FGGY: variants seen among roughly 807,000 people sequenced by gnomAD.
The protein encoded by FGGY is FGGY carbohydrate kinase domain containing, also known as FGGY carbohydrate kinase domain-containing protein.
FGGY carries 72 observed loss-of-function variants against 71.3 expected under a neutral mutation model. That is an observed-to-expected ratio of 1.01 (90% CI 0.84 to 1.23). The LOEUF (loss-of-function observed/expected upper bound fraction) is 1.23. Among genes scored for constraint, FGGY ranks in the 50% most tolerant of loss-of-function variants. The pLI is 0.00. For synonymous variants in FGGY, 251 were observed against 250.3 expected, an observed-to-expected ratio of 1.00 and a Z score of -0.02; for missense variants, 668 against 682.3, an observed-to-expected ratio of 0.98 and a Z score of 0.23.
chr1:59,687,117 A>G (rs920408331), intron 14 of FGGY, among the ~76,000 whole-genome samples: 1 of 152,080 alleles, frequency 6.6e-6, no homozygotes, highest in South Asian at 2.1e-4. Context: ...TACACTTCCT[A>G]GGCTCTCTTG....
At chr1:59,418,337 A>T (rs1221904712) in intron 5 of FGGY, among the ~76,000 whole-genome samples, 4 of 152,196 alleles carry the variant, frequency 2.6e-5, no homozygotes, top group Non-Finnish European at 5.9e-5. Flanking sequence ...GACAGATTTC[A>T]ATCGATTTAG....
At chr1:59,576,687 C>G (rs1395774450) in intron 8 of FGGY, among the ~76,000 whole-genome samples, 1 of 147,018 alleles carries the variant, frequency 6.8e-6, no homozygotes, top group Non-Finnish European at 1.5e-5. Context: ...GACACACACA[C>G]ACACACACAC....
chr1:59,597,411 G>A (rs1174480645), intron 8 of FGGY, among the ~76,000 whole-genome samples: 1 of 152,158 alleles, frequency 6.6e-6, no homozygotes, highest in African/African-American at 2.4e-5. Flanking sequence ...TAACCCATCT[G>A]AGTGATCGTG....
At chr1:59,406,996 G>A (rs1293364613) in intron 5 of FGGY, among the ~76,000 whole-genome samples, 1 of 152,162 alleles carries the variant, frequency 6.6e-6, no homozygotes, top group Admixed American at 6.5e-5. Context: ...GTGTTACAGG[G>A]GGTTGACCCC....
chr1:59,456,889 G>A (rs1243911252), intron 5 of FGGY, 72 bp from the exon 6 acceptor site: 6 of 983,320 alleles, frequency 6.1e-6, no homozygotes, highest in Middle Eastern at 2.1e-4. Flanking sequence ...TACCTGGACG[G>A]GTATTTTGCA....
chr1:59,420,414 G>A (rs1048214474), intron 5 of FGGY, among the ~76,000 whole-genome samples: 2 of 152,194 alleles, frequency 1.3e-5, no homozygotes, highest in Non-Finnish European at 2.9e-5. Context: ...TACTTCCCAC[G>A]TGTTGTGAAA....
Position 59,730,199 on chromosome 1 carries a change from G to C in FGGY, c.1513-27732G>C, listed in dbSNP as rs572910315. Among the ~76,000 whole-genome samples, 12 of 152,232 alleles carry C rather than the reference G, an allele frequency of 7.9e-5. No individual in the cohort carries two copies. The East Asian group carries it at 1.2e-3, about 15-fold the overall frequency. ...TGCTCCTCCAAGTAAGATCTCAGCT[G>C]TGACTGTCTGGGTTGTCCTTTCTCT... On this transcript the variant is annotated intron_variant, in intron 14 of 15. Transcript: ENST00000303721.
chr1:59,634,732 G>C (rs1404441706), intron 10 of FGGY, among the ~76,000 whole-genome samples: 2 of 152,150 alleles, frequency 1.3e-5, no homozygotes, highest in African/African-American at 4.8e-5. Context: ...TGATGGCAAA[G>C]AAGAGGAAAC....
At chr1:59,421,954 C>A (rs913243225) in intron 5 of FGGY, among the ~76,000 whole-genome samples, 2 of 152,154 alleles carry the variant, frequency 1.3e-5, no homozygotes, top group African/African-American at 4.8e-5. Context: ...TGGGATCCCA[C>A]CCTTACTTTG....
At chr1:59,342,270 A>G (rs2153208754) in intron 3 of FGGY, among the ~76,000 whole-genome samples, 1 of 152,262 alleles carries the variant, frequency 6.6e-6, no homozygotes, top group East Asian at 1.9e-4. Flanking sequence ...CAGTAAGTCT[A>G]GTATGTAGAG....
intron 2 of FGGY, among the ~76,000 whole-genome samples, chr1:59,333,836 G>A (rs560556745): frequency 1.3e-5 from 2 of 152,292 alleles, no homozygotes; most frequent in Admixed American, 1.3e-4. Flanking sequence ...TGTAAGTCTA[G>A]ATAGATCAGT....
chr1:59,726,368 G>C (rs2097948474), intron 14 of FGGY, among the ~76,000 whole-genome samples: 1 of 150,308 alleles, frequency 6.7e-6, no homozygotes, highest in African/African-American at 2.5e-5. Context: ...ATATTCATGA[G>C]AGAGAGTGGA....
At chr1:59,525,452 T>G (rs2094951668) in intron 7 of FGGY, among the ~76,000 whole-genome samples, 1 of 152,168 alleles carries the variant, frequency 6.6e-6, no homozygotes, top group Non-Finnish European at 1.5e-5. Context: ...CATGCCTCAG[T>G]TCCCCCATCT....
At chr1:59,371,089 C>T (rs1345343186) in intron 4 of FGGY, among the ~76,000 whole-genome samples, 3 of 152,016 alleles carry the variant, frequency 2.0e-5, no homozygotes, top group Non-Finnish European at 4.4e-5. Context: ...ACTAAGTGCT[C>T]CAATTAAAAG....
chr1:59,758,132 G>A (rs950218681), intron 15 of FGGY, 140 bp downstream of exon 15: 1 of 565,724 alleles, frequency 1.8e-6, no homozygotes, highest in African/African-American at 1.9e-5. Flanking sequence ...AAGTTCCAGG[G>A]AGGTAATGTC....
At chr1:59,565,470 G>A (rs1344606428) in intron 8 of FGGY, among the ~76,000 whole-genome samples, 2 of 152,108 alleles carry the variant, frequency 1.3e-5, no homozygotes, top group East Asian at 1.9e-4. Context: ...ATTTTTAGTA[G>A]AGACGGGGTT....
At chr1:59,400,546 T>G (rs1230966628) in intron 5 of FGGY, among the ~76,000 whole-genome samples, 3 of 131,676 alleles carry the variant, frequency 2.3e-5, no homozygotes, top group African/African-American at 6.9e-5. Flanking sequence ...TTCTGTTTTG[T>G]TTTTTTTTTT....
At chr1:59,545,981 G>T (rs912624188) in intron 7 of FGGY, among the ~76,000 whole-genome samples, 7 of 152,140 alleles carry the variant, frequency 4.6e-5, no homozygotes, top group African/African-American at 1.2e-4. Context: ...CAGTTGTATA[G>T]TCAAGGACAG....
intron 4 of FGGY, among the ~76,000 whole-genome samples, chr1:59,366,918 A>G: frequency 6.6e-6 from 1 of 152,156 alleles, no homozygotes; most frequent in East Asian, 1.9e-4. Context: ...GACTGGAAAT[A>G]TGAAAGTGTA....
Sources: gnomAD v4.1 joint callset for allele counts (sites outside exome capture counted in the v4.1 genomes callset) on GRCh38, gnomAD v4.1.1 for gene constraint, MANE v1.5 for transcripts, NCBI Gene and HGNC (gene_info 2026-07-23, HGNC 2026-07-21) for gene names.